The following LHCGR variants were observed in gnomAD, a reference collection of about 807,000 sequenced individuals.
LHCGR encodes lutropin-choriogonadotropic hormone receptor.
A neutral mutation model predicts 60.7 loss-of-function variants in LHCGR; 55 were observed. That is an observed-to-expected ratio of 0.91 (90% confidence interval 0.73 to 1.13). The LOEUF (loss-of-function observed/expected upper bound fraction) is 1.13. LHCGR is among the 50% of genes most tolerant of loss of function. The probability of loss-of-function intolerance (pLI) is 0.00; values close to 1 mark genes in which losing one functional copy is unlikely to be tolerated. For synonymous variants in LHCGR, 337 were observed against 316.5 expected (o/e 1.06, Z -0.69); for missense variants, 862 against 836.0 (o/e 1.03, Z -0.38).
At chr2:48,729,626 C>A (rs960984689) in intron 2 of LHCGR, among the ~76,000 whole-genome samples, 1 of 152,178 alleles carries the variant, frequency 6.6e-6, no homozygotes, top group Admixed American at 6.6e-5. Context: ...AGGTTCAAGA[C>A]TAGGATATGG....
intron 1 of LHCGR, among the ~76,000 whole-genome samples, chr2:48,755,222 G>T (rs956142501): frequency 1.5e-4 from 23 of 151,800 alleles, no homozygotes; most frequent in Admixed American, 6.6e-5. Flanking sequence ...TCAAGCAGCG[G>T]CAGAGAGCAG....
In LHCGR at chr2:48,698,724, A is replaced by T. The variant is rs1420297531; in HGVS notation, c.757T>A (p.Ser253Thr). 3 of 1,614,024 alleles carry T rather than the reference A, an allele frequency of 1.9e-6. No individual in the cohort carries two copies. The highest frequency in any genetic ancestry group is 2.5e-6 in the Non-Finnish European group (3 of 1,179,970). ...ESIQRLIATS[S>T]YSLKKLPSRE... is the part of the protein sequence containing the mutation. ...GATGGCAATTTTTTTAGAGAATAGGATGACGTGGCAATTAGCCTCTGAATG... is the reference window on the plus strand; with the variant it reads ...GATGGCAATTTTTTTAGAGAATAGGTTGACGTGGCAATTAGCCTCTGAATG... The change falls in exon 9 of 11, where the codon TCC becomes ACC. Residue 253 changes from serine (S) to threonine (T), a missense_variant. Ser to Thr is a moderately conservative substitution (Grantham distance 58). Coordinates refer to ENST00000294954, the MANE Select transcript of LHCGR (RefSeq NM_000233.4).
At chr2:48,723,790 T>A in intron 4 of LHCGR, 94 bp from the exon 5 acceptor site, 1 of 918,226 alleles carries the variant, frequency 1.1e-6, no homozygotes, top group East Asian at 2.4e-5. Context: ...CAAAGGCATT[T>A]TGCAAATACA....
chr2:48,691,163 G>T (rs1052687447), intron 10 of LHCGR, among the ~76,000 whole-genome samples: 1 of 152,128 alleles, frequency 6.6e-6, no homozygotes, highest in Non-Finnish European at 1.5e-5. Flanking sequence ...GAGCCTTATG[G>T]TTCCTACATA....
At chr2:48,752,005 G>T (rs1018173970) in intron 1 of LHCGR, among the ~76,000 whole-genome samples, 1 of 152,204 alleles carries the variant, frequency 6.6e-6, no homozygotes, top group Non-Finnish European at 1.5e-5. Context: ...GGCAAGGTGA[G>T]ATTTTTTTCT....
chr2:48,704,470 G>C (rs192252702), intron 8 of LHCGR, among the ~76,000 whole-genome samples: 17 of 152,288 alleles, frequency 1.1e-4, no homozygotes, highest in African/African-American at 4.1e-4. Context: ...AATGGTACCA[G>C]CTCCTCTTTG....
intron 3 of LHCGR, among the ~76,000 whole-genome samples, chr2:48,726,866 A>C (rs993385220): frequency 6.6e-6 from 1 of 152,198 alleles, no homozygotes; most frequent in African/African-American, 2.4e-5. Context: ...TAGTTGCTGA[A>C]ATTAGGAAGT....
intron 1 of LHCGR, 28 bp downstream of exon 1, chr2:48,755,483 C>A: frequency 7.0e-6 from 10 of 1,432,410 alleles, no homozygotes; most frequent in Non-Finnish European, 9.6e-6. Flanking sequence ...GCATCAAGGG[C>A]GCCGCGACGG....
Position 48,723,517 on chromosome 2 carries a change from A to T in LHCGR, c.475T>A (p.Leu159Ile). The T allele has an allele frequency of 6.2e-7, 1 of 1,612,944 alleles. No homozygotes were observed. The highest frequency in any genetic ancestry group is 8.5e-7 in the Non-Finnish European group (1 of 1,178,954). Residue 159 changes from leucine (L) to isoleucine (I), a missense_variant, in exon 6 of 11, where the codon TTA (leucine) becomes ATA (isoleucine). Transcript: ENST00000294954. ...SNFILEICDN[L>I]HITTIPGNAF... ...TTTCCTGGTATGGTGGTTATGTGTA[A>T]GTTATCACAAATTTCCCTTGAGGAA...
At chr2:48,749,117 T>C (rs1417360019) in intron 1 of LHCGR, among the ~76,000 whole-genome samples, 3 of 152,206 alleles carry the variant, frequency 2.0e-5, no homozygotes, top group Admixed American at 6.5e-5. Context: ...AAGTTGAGTT[T>C]TGTTTATAAA....
intron 7 of LHCGR, among the ~76,000 whole-genome samples, chr2:48,710,657 C>T (rs1018224364): frequency 6.6e-6 from 1 of 152,190 alleles, no homozygotes; most frequent in African/African-American, 2.4e-5. Context: ...CCAAAGTTTT[C>T]CCAGCTTGGG....
chr2:48,691,332 T>A (rs1666802474), intron 10 of LHCGR, among the ~76,000 whole-genome samples: 1 of 151,958 alleles, frequency 6.6e-6, no homozygotes, highest in Non-Finnish European at 1.5e-5. Context: ...TATGTTAGAG[T>A]ATTGTGGAGC....
intron 1 of LHCGR, 27 bp from the exon 2 acceptor site, chr2:48,731,325 A>G: frequency 6.5e-7 from 1 of 1,548,620 alleles, no homozygotes; most frequent in Non-Finnish European, 8.9e-7. Flanking sequence ...GAAATCCAAG[A>G]GTTTAAGATT....
chr2:48,751,107 G>T (rs1026748280), intron 1 of LHCGR, among the ~76,000 whole-genome samples: 5 of 152,192 alleles, frequency 3.3e-5, no homozygotes, highest in Non-Finnish European at 7.4e-5. Context: ...GGAAGATGGA[G>T]GTGGAGTGGG....
chr2:48,750,115 AC>A (rs1209218763), intron 1 of LHCGR, among the ~76,000 whole-genome samples: 2 of 152,054 alleles, frequency 1.3e-5, no homozygotes, highest in Admixed American at 6.6e-5. Flanking sequence ...TGGGACATAA[AC>A]TTTCTTAATT....
intron 1 of LHCGR, among the ~76,000 whole-genome samples, chr2:48,745,036 G>T (rs1350096183): frequency 6.6e-6 from 1 of 152,040 alleles, no homozygotes; most frequent in Admixed American, 6.5e-5. Flanking sequence ...GTGGGCGAAG[G>T]ACATGAACAG....
intron 10 of LHCGR, among the ~76,000 whole-genome samples, chr2:48,691,196 T>A (rs905211444): frequency 1.3e-5 from 2 of 152,240 alleles, no homozygotes; most frequent in African/African-American, 4.8e-5. Flanking sequence ...TATTTTTCTC[T>A]GCTTTCGAAA....
intron 2 of LHCGR, among the ~76,000 whole-genome samples, chr2:48,729,494 T>C (rs546546523): frequency 1.3e-5 from 2 of 152,334 alleles, no homozygotes; most frequent in East Asian, 3.9e-4. Context: ...TATTTATCTC[T>C]GACTCAGAGC....
chr2:48,754,252 C>T (rs372192177), intron 1 of LHCGR, among the ~76,000 whole-genome samples: 19 of 152,310 alleles, frequency 1.2e-4, no homozygotes, highest in African/African-American at 4.3e-4. Context: ...AACTTTTCCA[C>T]ATGAAGAAGC....
Sources: gnomAD v4.1 joint callset for allele counts (sites outside exome capture counted in the v4.1 genomes callset) on GRCh38, gnomAD v4.1.1 for gene constraint, MANE v1.5 for transcripts, NCBI Gene and HGNC (gene_info 2026-07-23, HGNC 2026-07-21) for gene names.